Variants in ELL observed in about 807,000 individuals in gnomAD.
The protein encoded by ELL is elongation factor for RNA polymerase II, also known as RNA polymerase II elongation factor ELL.
Under a neutral mutation model 64.0 loss-of-function variants are expected in ELL, and 18 were observed. That is an observed-to-expected ratio of 0.28 (90% confidence interval 0.19 to 0.42). ELL has a LOEUF of 0.42. Among genes scored for constraint, ELL ranks in the 10% least tolerant of loss-of-function variants. The probability of loss-of-function intolerance (pLI) is 1.00; values close to 1 mark genes in which losing one functional copy is unlikely to be tolerated. For synonymous variants in ELL, 399 were observed against 376.2 expected, an observed-to-expected ratio of 1.06 and a Z score of -0.70; for missense variants, 797 against 870.4, an observed-to-expected ratio of 0.92 and a Z score of 1.06.
chr19:18,479,279 G>GCCA (rs1975243064), intron 1 of ELL, among the ~76,000 whole-genome samples: 1 of 152,234 alleles, frequency 6.6e-6, no homozygotes, highest in African/African-American at 2.4e-5. Context: ...CAGTGCAGGG[G>GCCA]CTGAGAAGCC....
intron 1 of ELL, among the ~76,000 whole-genome samples, chr19:18,497,319 C>G (rs1464526173): frequency 6.6e-6 from 1 of 152,200 alleles, no homozygotes; most frequent in East Asian, 1.9e-4. Flanking sequence ...TGGAGAAAAA[C>G]AAAACTATGG....
In ELL at chr19:18,461,768, G is replaced by T. The variant is rs750169711; in HGVS notation, c.554C>A (p.Ala185Glu). The change falls in exon 5 of 12, where the codon GCG (alanine) becomes GAG (glutamate). Residue 185 changes from alanine (A) to glutamate (E), a missense_variant. Coordinates refer to ENST00000262809, the MANE Select transcript of ELL (RefSeq NM_006532.4). ...GGCACCACTCTTCCTGATGGCACTC[G>T]CCAAGTTGATGGGGGTTGCCCGCTT... ...SRKRATPINLASAIRKSGASA... is the reference protein window; with the variant it reads ...SRKRATPINLESAIRKSGASA... 6.2e-7 allele frequency: 1 copy of T among 1,614,094 alleles called. No homozygotes were observed. The highest frequency in any genetic ancestry group is 8.5e-7 in the Non-Finnish European group (1 of 1,180,048).
At chr19:18,478,217 CAG>C (rs1975219698) in intron 1 of ELL, among the ~76,000 whole-genome samples, 1 of 152,198 alleles carries the variant, frequency 6.6e-6, no homozygotes, top group South Asian at 2.1e-4. Flanking sequence ...GAACCCTTGT[CAG>C]GGGGGCCAAG....
intron 1 of ELL, among the ~76,000 whole-genome samples, chr19:18,519,494 G>A (rs1242263954): frequency 1.3e-5 from 2 of 152,150 alleles, no homozygotes; most frequent in African/African-American, 4.8e-5. Context: ...ACTGCCCCAT[G>A]GGCAAGATTA....
At chr19:18,482,483 G>A (rs1010714140) in intron 1 of ELL, among the ~76,000 whole-genome samples, 3 of 151,590 alleles carry the variant, frequency 2.0e-5, no homozygotes, top group Middle Eastern at 3.4e-3. Context: ...CTACAGGTGC[G>A]TACTACCACA....
At chr19:18,498,640 C>T (rs1600491157) in intron 1 of ELL, among the ~76,000 whole-genome samples, 1 of 152,124 alleles carries the variant, frequency 6.6e-6, no homozygotes, top group Admixed American at 6.5e-5. Context: ...TTGCTGCCCC[C>T]GGATGGGTAG....
intron 6 of ELL, among the ~76,000 whole-genome samples, 186 bp from the exon 7 acceptor site, chr19:18,451,834 A>T (rs1974545249): frequency 6.6e-6 from 1 of 152,132 alleles, no homozygotes. Context: ...ACTTCACCCA[A>T]AGGAGGACTT....
chr19:18,474,518 C>T lies in ELL; in HGVS notation c.136-1636G>A, dbSNP rs535399320. ...GAAACTGCCCCATGCTTCTCAAACACGCCACCCCTCAACAAATACATGGGC... is the reference window on the plus strand; with the variant it reads ...GAAACTGCCCCATGCTTCTCAAACATGCCACCCCTCAACAAATACATGGGC... On this transcript the variant is annotated intron_variant, in intron 1 of 11. Coordinates refer to ENST00000262809, the MANE Select transcript of ELL (RefSeq NM_006532.4). 3.5e-4 allele frequency among the ~76,000 whole-genome samples: 53 copies of T among 152,368 alleles called. 1 individual carries two copies. The East Asian group carries it at 7.5e-3, about 22-fold the overall frequency.
chr19:18,520,668 C>T (rs1447507841), intron 1 of ELL, among the ~76,000 whole-genome samples: 3 of 151,870 alleles, frequency 2.0e-5, no homozygotes, highest in South Asian at 4.2e-4. Flanking sequence ...AGGAAGAAAG[C>T]CACATTCCTT....
intron 4 of ELL, among the ~76,000 whole-genome samples, chr19:18,462,815 A>C (rs1424374105): frequency 1.3e-5 from 2 of 152,138 alleles, no homozygotes; most frequent in Non-Finnish European, 2.9e-5. Context: ...GTTTTTCTAA[A>C]GTCAGTAAAG....
chr19:18,475,601 A>G (rs1975158943), intron 1 of ELL, among the ~76,000 whole-genome samples: 1 of 152,362 alleles, frequency 6.6e-6, no homozygotes, highest in South Asian at 2.1e-4. Context: ...ATGTCCGTCA[A>G]CTGGTGGAGA....
chr19:18,481,308 C>T (rs934677645), intron 1 of ELL, among the ~76,000 whole-genome samples: 2 of 152,190 alleles, frequency 1.3e-5, no homozygotes, highest in African/African-American at 2.4e-5. Context: ...GGTTCTCTCA[C>T]GGACTGGGGG....
chr19:18,450,727 G>A lies in ELL; in HGVS notation c.1215C>T (p.Gly405=). The change falls in exon 8 of 12, where the codon GGC becomes GGT. Residue 405 remains glycine, a synonymous_variant. Transcript: ENST00000262809. ...CGTGCTCACAGTCTCGGCCGCTGTG[G>A]CCCAGGTCATTGCTGACATCGGCCA... ...DPLADVSNDL[G]HSGRDCEHGE... is the part of the protein sequence containing the mutation. The A allele has an allele frequency of 6.3e-7, 1 of 1,586,106 alleles. No homozygotes were observed. The highest frequency in any genetic ancestry group is 8.6e-7 in the Non-Finnish European group (1 of 1,166,994).
At chr19:18,465,997 C>T (rs1974928454) in intron 2 of ELL, 79 bp from the exon 3 acceptor site, 2 of 1,209,558 alleles carry the variant, frequency 1.7e-6, no homozygotes, top group South Asian at 8.0e-5. Context: ...TGCATGAGTC[C>T]CCACAGTGCA....
At chr19:18,482,230 G>GTTT (rs898798448) in intron 1 of ELL, among the ~76,000 whole-genome samples, 1 of 122,426 alleles carries the variant, frequency 8.2e-6, no homozygotes, top group Non-Finnish European at 1.7e-5. Context: ...AAGTTTTGAG[G>GTTT]TTTTTTTTTT....
At chr19:18,488,929 C>T (rs544123925) in intron 1 of ELL, among the ~76,000 whole-genome samples, 44 of 152,354 alleles carry the variant, frequency 2.9e-4, no homozygotes, top group African/African-American at 1.0e-3. Context: ...GGTCATGCGT[C>T]CTGGACCGGC....
intron 1 of ELL, among the ~76,000 whole-genome samples, chr19:18,515,069 C>T (rs1362274913): frequency 2.6e-5 from 4 of 152,202 alleles, no homozygotes; most frequent in Non-Finnish European, 4.4e-5. Flanking sequence ...GGTGGGTTTC[C>T]GAGTGAGCGC....
At chr19:18,507,450 A>G (rs889264632) in intron 1 of ELL, among the ~76,000 whole-genome samples, 4 of 152,248 alleles carry the variant, frequency 2.6e-5, no homozygotes, top group African/African-American at 7.2e-5. Flanking sequence ...TCTAATCTGC[A>G]CACGGCACTT....
intron 2 of ELL, among the ~76,000 whole-genome samples, chr19:18,469,312 C>T (rs1286061092): frequency 6.6e-6 from 1 of 152,220 alleles, no homozygotes; most frequent in Non-Finnish European, 1.5e-5. Flanking sequence ...GCTATGGAGC[C>T]CTCTGATTAA....
Sources: allele counts gnomAD v4.1 joint callset (sites outside exome capture counted in the v4.1 genomes callset), GRCh38; gene constraint gnomAD v4.1.1; transcripts MANE v1.5; gene names NCBI Gene and HGNC (gene_info 2026-07-23, HGNC 2026-07-21).